ATG2B: variants seen among roughly 807,000 people sequenced by gnomAD.
The protein encoded by ATG2B is autophagy-related protein 2 homolog B.
In ATG2B, 121 loss-of-function variants were observed where a neutral mutation model predicts 241.3. The observed-to-expected ratio is 0.50, with a 90% confidence interval of 0.43 to 0.58. The LOEUF (loss-of-function observed/expected upper bound fraction) is 0.58, where lower values mean the gene tolerates loss of function less well. ATG2B is among the 20% of genes least tolerant of loss of function. The pLI, the probability that ATG2B is intolerant of heterozygous loss-of-function variation, is 0.00. For missense variants in ATG2B, 2,306 were observed against 2,491.6 expected, an observed-to-expected ratio of 0.93 and a Z score of 1.59; for synonymous variants, 858 against 876.6, an observed-to-expected ratio of 0.98 and a Z score of 0.37.
At position 96,283,098 on chromosome 14, in the gene ATG2B, A is replaced by C. The variant is rs1361002777; in HGVS notation, c.*2657T>G. Reference sequence around the variant, plus strand: ...AAACGGGGGGTTCCGAGTTAGCTCCATTCAAGAGGAAGACACGGTTGTGGC... The same window carrying C: ...AAACGGGGGGTTCCGAGTTAGCTCCCTTCAAGAGGAAGACACGGTTGTGGC... On this transcript the variant is annotated 3_prime_UTR_variant, in exon 42 of 42. Transcript: ENST00000359933. The C allele has an allele frequency of 6.6e-6, 1 of 152,280 alleles. No individual in the cohort carries two copies. The highest frequency in any genetic ancestry group is 1.5e-5 in the Non-Finnish European group (1 of 68,102). 9.4% of individuals were successfully genotyped at this position (152,280 alleles called of 1,614,324 possible).
intron 26 of ATG2B, among the ~76,000 whole-genome samples, 198 bp downstream of exon 26, chr14:96,311,891 G>A (rs1488231389): frequency 6.6e-6 from 1 of 152,028 alleles, no homozygotes; most frequent in Non-Finnish European, 1.5e-5. Context: ...ATTTCAAACT[G>A]AAAAACCAGT....
At chr14:96,311,020 A>G in intron 28 of ATG2B, 97 bp downstream of exon 28, 1 of 1,137,694 alleles carries the variant, frequency 8.8e-7, no homozygotes, top group Admixed American at 2.8e-5. Flanking sequence ...ATGACTTTCA[A>G]AGTTTCTTTT....
intron 6 of ATG2B, among the ~76,000 whole-genome samples, chr14:96,336,003 T>C (rs553851546): frequency 8.5e-5 from 13 of 152,158 alleles, no homozygotes; most frequent in Non-Finnish European, 1.8e-4. Context: ...TTCAACTCAA[T>C]GTAACATGGT....
intron 36 of ATG2B, among the ~76,000 whole-genome samples, chr14:96,292,678 C>T (rs1886519032): frequency 6.6e-6 from 1 of 152,148 alleles, no homozygotes; most frequent in African/African-American, 2.4e-5. Flanking sequence ...GTTAAAATGC[C>T]ACCTACATTG....
At position 96,290,949 on chromosome 14, in the gene ATG2B, T is replaced by C. The variant is rs1322046836; in HGVS notation, c.5580-14A>G. On this transcript the variant is annotated splice_polypyrimidine_tract_variant and intron_variant, in intron 38 of 41. Coordinates refer to ENST00000359933, the MANE Select transcript of ATG2B (RefSeq NM_018036.7). The surrounding 1 kb of genome is among the most constrained non-coding windows in gnomAD (Gnocchi z 4.4). ...ACGCCTAGTAAACTAGAGCAAATGA[T>C]TATTAGTATGTCAAAAGGAGAAATA... is the stretch of plus-strand genomic sequence containing the variant. The C allele has an allele frequency of 6.2e-7, 1 of 1,600,800 alleles. No homozygotes were observed. The highest frequency in any genetic ancestry group is 8.5e-7 in the Non-Finnish European group (1 of 1,174,064).
chr14:96,330,974 T>C (rs1295624697), intron 11 of ATG2B, among the ~76,000 whole-genome samples: 1 of 152,200 alleles, frequency 6.6e-6, no homozygotes, highest in East Asian at 1.9e-4. Flanking sequence ...TATGGATCAG[T>C]TCCAATAGTA....
chr14:96,286,771 A>G (rs908757955), intron 41 of ATG2B, among the ~76,000 whole-genome samples: 6 of 151,934 alleles, frequency 3.9e-5, no homozygotes, highest in African/African-American at 1.5e-4. Flanking sequence ...ACATTCCATT[A>G]TTATTATTAT....
At chr14:96,315,678 C>T (rs1472206081) in intron 21 of ATG2B, 95 bp from the exon 22 acceptor site, 1 of 889,660 alleles carries the variant, frequency 1.1e-6, no homozygotes, top group African/African-American at 1.7e-5. Flanking sequence ...CCACGTACTT[C>T]CACTGAATAT....
rs961249007 is a variant in ATG2B, at chr14:96,285,125, T to G, written c.*630A>C. On this transcript the variant is annotated 3_prime_UTR_variant, in exon 42 of 42. Transcript: ENST00000359933. This position sits in a 1 kb window ranked among gnomAD's most constrained non-coding sequence, Gnocchi z 4.2. ...AAGAAATATAGCACACAACTTGAATTAATCTAAAAACACATACACATAAAC... is the reference window on the plus strand; with the variant it reads ...AAGAAATATAGCACACAACTTGAATGAATCTAAAAACACATACACATAAAC... 4 of 152,244 alleles carry G rather than the reference T, an allele frequency of 2.6e-5. No individual in the cohort carries two copies. The highest frequency in any genetic ancestry group is 9.6e-5 in the African/African-American group (4 of 41,466). 9.4% of individuals were successfully genotyped at this position (152,244 alleles called of 1,614,324 possible). A position where few individuals can be genotyped will look rare whatever the true frequency, so the allele number is the denominator to read the frequency against.
intron 1 of ATG2B, among the ~76,000 whole-genome samples, chr14:96,357,478 C>T (rs796146234): frequency 3.9e-5 from 6 of 152,150 alleles, no homozygotes; most frequent in African/African-American, 1.4e-4. Flanking sequence ...GGATCTAAAG[C>T]CCCCACATTC....
In ATG2B at chr14:96,290,534, G is replaced by A. The variant is rs763518763; in HGVS notation, c.5758C>T (p.Arg1920Cys). ...CCTCTCTGAAACCCTCTGACAATGC[G>A]GCCATCCTTCCGGTACTGCTCTATT... ...LPIEQYRKDG[R>C]IVRGFQRGAA... Residue 1920 changes from arginine (R) to cysteine (C), a missense_variant, in exon 40 of 42, where the codon CGC (arginine) becomes TGC (cysteine). Physicochemically the swap from Arg to Cys is radical, Grantham distance 180 (BLOSUM62 -3). Transcript: ENST00000359933. This position sits in a 1 kb window ranked among gnomAD's most constrained non-coding sequence, Gnocchi z 4.4. 1.2e-5 allele frequency: 19 copies of A among 1,614,036 alleles called. No individual in the cohort carries two copies. The highest frequency in any genetic ancestry group is 1.4e-5 in the Non-Finnish European group (17 of 1,180,036).
chr14:96,325,801 C>G lies in ATG2B; in HGVS notation c.2285G>C (p.Arg762Pro). ...LSVRFPIPDL[R>P]SDQERGPWFK... ...CCATGGTCCTCTTTCTTGATCAGAT[C>G]GAAGATCAGGTATTGGGAAGCGAAC... The change falls in exon 15 of 42, where the codon CGA becomes CCA. Residue 762 changes from arginine to proline, a missense_variant. Physicochemically the swap from Arg to Pro is moderately radical, Grantham distance 103. This residue lies in a region of ATG2B where 1,927 missense variants were observed against 2,011.2 expected (regional missense o/e 0.96). Coordinates refer to ENST00000359933, the MANE Select transcript of ATG2B (RefSeq NM_018036.7). 6.2e-7 allele frequency: 1 copy of G among 1,613,924 alleles called. No homozygotes were observed. The highest frequency in any genetic ancestry group is 8.5e-7 in the Non-Finnish European group (1 of 1,179,970).
chr14:96,313,220 C>A (rs1221588464), intron 24 of ATG2B, 63 bp from the exon 25 acceptor site: 3 of 1,265,660 alleles, frequency 2.4e-6, no homozygotes, highest in Non-Finnish European at 3.4e-6. Context: ...CTATTAAAAA[C>A]AACAACAACA....
At chr14:96,319,022 A>G (rs865998985) in intron 18 of ATG2B, among the ~76,000 whole-genome samples, 2 of 152,338 alleles carry the variant, frequency 1.3e-5, no homozygotes, top group Middle Eastern at 3.4e-3. Flanking sequence ...AATGATTCAC[A>G]TGGAAGTGCT....
At chr14:96,322,358 A>G (rs1887481648) in intron 17 of ATG2B, 104 bp from the exon 18 acceptor site, 1 of 1,394,546 alleles carries the variant, frequency 7.2e-7, no homozygotes, top group Non-Finnish European at 9.8e-7. Context: ...GAAATAAATA[A>G]GCATGAAACA....
chr14:96,328,187 A>G (rs543684984), intron 14 of ATG2B, among the ~76,000 whole-genome samples, 160 bp downstream of exon 14: 1 of 152,364 alleles, frequency 6.6e-6, no homozygotes, highest in African/African-American at 2.4e-5. Flanking sequence ...CTAGTCTACT[A>G]TCAAGACATA....
intron 6 of ATG2B, among the ~76,000 whole-genome samples, chr14:96,339,617 T>C (rs1887959329): frequency 6.6e-6 from 1 of 151,918 alleles, no homozygotes; most frequent in Non-Finnish European, 1.5e-5. Context: ...TTAAGGAACT[T>C]AGGAATGGAA....
chr14:96,304,964 C>T (rs534555932), intron 31 of ATG2B, among the ~76,000 whole-genome samples: 1 of 151,854 alleles, frequency 6.6e-6, no homozygotes, highest in Non-Finnish European at 1.5e-5. Flanking sequence ...CTAGGAATCC[C>T]AACTAATACA....
chr14:96,306,725 C>T lies in ATG2B; in HGVS notation c.4495G>A (p.Ala1499Thr), dbSNP rs1466986139. ...DDFCILFAPKAAMQEKEEEPV... is the reference protein window; with the variant it reads ...DDFCILFAPKTAMQEKEEEPV... Reference sequence around the variant, plus strand: ...TATTAATTTATTACCTGCATGGCTGCTTTTGGTGCAAAAAGAATGCAAAAG... The same window carrying T: ...TATTAATTTATTACCTGCATGGCTGTTTTTGGTGCAAAAAGAATGCAAAAG... The change falls in exon 30 of 42, where the codon GCA becomes ACA. Residue 1499 changes from alanine (A) to threonine (T), a missense_variant. Physicochemically the swap from Ala to Thr is moderately conservative, Grantham distance 58. Transcript: ENST00000359933. 6.2e-7 allele frequency: 1 copy of T among 1,613,524 alleles called. No homozygotes were observed. Among genetic ancestry groups the T allele is most frequent in the Non-Finnish European group, 8.5e-7 (1 of 1,179,640 alleles).
Sources: allele counts gnomAD v4.1 joint callset (sites outside exome capture counted in the v4.1 genomes callset), GRCh38; gene constraint gnomAD v4.1.1; regional missense constraint gnomAD v4.1.1; non-coding constraint Gnocchi (gnomAD v3.1); transcripts MANE v1.5; gene names NCBI Gene and HGNC (gene_info 2026-07-23, HGNC 2026-07-21).